The following AXIN1 variants were observed in gnomAD, a reference collection of about 807,000 sequenced individuals.
The protein encoded by AXIN1 is axin-1.
Under a neutral mutation model 76.4 loss-of-function variants are expected in AXIN1, and 30 were observed. The ratio of observed to expected loss-of-function variants is 0.39; its 90% CI spans 0.29 to 0.53. The LOEUF is 0.53. Ranked by LOEUF, AXIN1 falls within the 20% of genes least tolerant of loss-of-function variation. The probability of loss-of-function intolerance (pLI) is 0.66; values close to 1 mark genes in which losing one functional copy is unlikely to be tolerated. For missense variants in AXIN1, 1,140 were observed against 1,198.8 expected, an observed-to-expected ratio of 0.95 and a Z score of 0.72; for synonymous variants, 545 against 501.4, an observed-to-expected ratio of 1.09 and a Z score of -1.16.
chr16:288,032 C>G lies in AXIN1; in HGVS notation c.*90G>C, dbSNP rs569810675. 6.3e-7 allele frequency: 1 copy of G among 1,597,100 alleles called. No homozygotes were observed. Among genetic ancestry groups the G allele is most frequent in the East Asian group, 2.2e-5 (1 of 44,808 alleles). ...TGGTACACCCAACACTGTTCCCCAT[C>G]GGGCTCCTGAGTACGAGGTCATCTG... On this transcript the variant is annotated 3_prime_UTR_variant, in exon 11 of 11. Transcript: ENST00000262320.
intron 4 of AXIN1, among the ~76,000 whole-genome samples, chr16:309,187 G>A (rs372149983): frequency 5.3e-5 from 8 of 152,134 alleles, no homozygotes; most frequent in South Asian, 2.1e-4. Flanking sequence ...AAAATTAGCC[G>A]GGCGTGGTGG....
At chr16:289,333 C>A in intron 10 of AXIN1, 107 bp downstream of exon 10, 1 of 1,460,578 alleles carries the variant, frequency 6.8e-7, no homozygotes, top group Non-Finnish European at 9.4e-7. Context: ...CCCAAAGTGC[C>A]AGGATTAGGA....
intron 2 of AXIN1, among the ~76,000 whole-genome samples, chr16:339,014 C>T (rs1002186490): frequency 6.6e-6 from 1 of 151,124 alleles, no homozygotes; most frequent in Non-Finnish European, 1.5e-5. Context: ...TCTGGGATTA[C>T]AGGCATGAGC....
At position 347,070 on chromosome 16, in the gene AXIN1, C is replaced by G. The variant is rs2141711266; in HGVS notation, c.-45G>C. On this transcript the variant is annotated 5_prime_UTR_variant, in exon 2 of 11. An upstream start codon of the reference 5' UTR is lost. Coordinates refer to ENST00000262320, the MANE Select transcript of AXIN1 (RefSeq NM_003502.4). ...GAACAATGAGCGCTGCACCCTAATA[C>G]ATCAGTACTTACAGCTCCAAAGTGA... 6.2e-7 allele frequency: 1 copy of G among 1,613,246 alleles called. No homozygotes were observed. The highest frequency in any genetic ancestry group is 8.5e-7 in the Non-Finnish European group (1 of 1,180,018).
chr16:349,057 C>T (rs942150515), intron 1 of AXIN1, among the ~76,000 whole-genome samples: 1 of 149,952 alleles, frequency 6.7e-6, no homozygotes, highest in Non-Finnish European at 1.5e-5. Flanking sequence ...GACACCGCGC[C>T]GGCCACTGCA....
At chr16:329,393 A>G (rs1158919935) in intron 2 of AXIN1, among the ~76,000 whole-genome samples, 5 of 151,948 alleles carry the variant, frequency 3.3e-5, no homozygotes, top group African/African-American at 1.2e-4. Flanking sequence ...TAGATAGAAT[A>G]GTAGTATCTC....
Position 346,720 on chromosome 16 carries a change from G to A in AXIN1, c.306C>T (p.Phe102=), listed in dbSNP as rs1413210456. 1 of 1,586,144 alleles carries A rather than the reference G, an allele frequency of 6.3e-7. No homozygotes were observed. The highest frequency in any genetic ancestry group is 1.2e-5 in the South Asian group (1 of 86,568). ...AGCCCTCCTGCTTCAGGAAAGTCCTGAACAGGCTTATCCCATCTTGGTCAT... is the reference window on the plus strand; with the variant it reads ...AGCCCTCCTGCTTCAGGAAAGTCCTAAACAGGCTTATCCCATCTTGGTCAT... The part of the protein sequence containing the change: ...LLDDQDGISL[F]RTFLKQEGCA... Residue 102 remains phenylalanine, a synonymous_variant, in exon 2 of 11, where the codon TTC becomes TTT. Coordinates refer to ENST00000262320, the MANE Select transcript of AXIN1 (RefSeq NM_003502.4).
At chr16:335,880 T>C (rs975710029) in intron 2 of AXIN1, among the ~76,000 whole-genome samples, 1 of 152,156 alleles carries the variant, frequency 6.6e-6, no homozygotes, top group Non-Finnish European at 1.5e-5. Flanking sequence ...GAAAGTAAAA[T>C]ATTTAATCAA....
intron 9 of AXIN1, chr16:290,652 A>C: frequency 4.8e-6 from 1 of 207,368 alleles, no homozygotes. Context: ...GACACGGCCC[A>C]TGTGGGATCA....
rs865967769 is a variant in AXIN1, at chr16:352,604, T to C, written c.-317A>G. On this transcript the variant is annotated 5_prime_UTR_variant, in exon 1 of 11. Transcript: ENST00000262320. ...CCCGCCCGCTCCGCGTGGACGCGGCTCCGGGCCGACTCCGGCCGGCTCTGG... is the reference window on the plus strand; with the variant it reads ...CCCGCCCGCTCCGCGTGGACGCGGCCCCGGGCCGACTCCGGCCGGCTCTGG... The C allele has an allele frequency of 4.1e-4, 70 of 169,816 alleles. No individual in the cohort carries two copies. Among genetic ancestry groups the C allele is most frequent in the African/African-American group, 1.6e-3 (68 of 41,242 alleles). The allele number at this position is 169,816 out of a possible 1,614,324, so 10.5% of individuals were successfully genotyped here.
chr16:310,222 C>T (rs1262004902), intron 3 of AXIN1, among the ~76,000 whole-genome samples, 153 bp from the exon 4 acceptor site: 1 of 152,218 alleles, frequency 6.6e-6, no homozygotes, highest in African/African-American at 2.4e-5. Flanking sequence ...ACAGGTGATG[C>T]AGGCACCCAT....
Position 298,159 on chromosome 16 carries a change from G to A in AXIN1, c.1347C>T (p.Pro449=), listed in dbSNP as rs1399903490. The A allele has an allele frequency of 6.5e-7, 1 of 1,543,352 alleles. No individual in the cohort carries two copies. Among genetic ancestry groups the A allele is most frequent in the South Asian group, 1.2e-5 (1 of 84,258 alleles). The stretch of plus-strand genomic sequence containing the variant: ...CGGCACAGCCCATGTCCACACAGCG[G>A]GGCGGGAAGTGGTGCCAAGCGGGGG... ...PPAPAWHHFP[P]RCVDMGCAGL... is the part of the protein sequence containing the mutation. Residue 449 remains proline (P), a synonymous_variant, in exon 6 of 11, where the codon CCC becomes CCT. Transcript: ENST00000262320.
At chr16:349,579 C>A (rs1174716939) in intron 1 of AXIN1, among the ~76,000 whole-genome samples, 2 of 152,216 alleles carry the variant, frequency 1.3e-5, no homozygotes, top group East Asian at 3.8e-4. Flanking sequence ...ATCATGCTCT[C>A]ATAAGGGACT....
rs2141476774 is a variant in AXIN1, at chr16:291,295, T to C, written c.2189A>G (p.Tyr730Cys). The C allele has an allele frequency of 1.3e-6, 2 of 1,575,812 alleles. No homozygotes were observed. The highest frequency in any genetic ancestry group is 1.7e-6 in the Non-Finnish European group (2 of 1,161,508). The change falls in exon 9 of 11, where the codon TAT becomes TGT. Residue 730 changes from tyrosine (Y) to cysteine (C), a missense_variant and splice_region_variant. Transcript: ENST00000262320. ...RASRAPSKQR[Y>C]VQEVMRRGRA... ...TCCCCGCCGCATAACCTCCTGCACA[T>C]ACCTAGGGAACAACCCGCGTCAAAG...
intron 2 of AXIN1, 75 bp from the exon 3 acceptor site, chr16:314,758 A>T: frequency 6.3e-7 from 1 of 1,586,478 alleles, no homozygotes; most frequent in Non-Finnish European, 8.6e-7. Flanking sequence ...TTTTCATGTT[A>T]TCTGAATATC....
At chr16:333,357 G>A (rs1347392058) in intron 2 of AXIN1, among the ~76,000 whole-genome samples, 1 of 151,274 alleles carries the variant, frequency 6.6e-6, no homozygotes, top group African/African-American at 2.4e-5. Flanking sequence ...AGTGGGGTGT[G>A]CTGGTGCCTA....
At chr16:309,497 A>C (rs867634996) in intron 4 of AXIN1, among the ~76,000 whole-genome samples, 1 of 152,184 alleles carries the variant, frequency 6.6e-6, no homozygotes. Flanking sequence ...GAGACTGGGC[A>C]AAGGTGCCAT....
chr16:343,412 C>G (rs2141690961), intron 2 of AXIN1, among the ~76,000 whole-genome samples: 1 of 152,230 alleles, frequency 6.6e-6, no homozygotes, highest in South Asian at 2.1e-4. Context: ...TTAAAAATAA[C>G]CAGCCGGGGC....
chr16:313,245 T>C (rs1021000612), intron 3 of AXIN1, among the ~76,000 whole-genome samples: 17 of 152,176 alleles, frequency 1.1e-4, no homozygotes, highest in African/African-American at 2.7e-4. Flanking sequence ...GAAGCTACAG[T>C]AAGCCAAGAT....
Sources: allele counts gnomAD v4.1 joint callset (sites outside exome capture counted in the v4.1 genomes callset), GRCh38; gene constraint gnomAD v4.1.1; transcripts MANE v1.5; gene names NCBI Gene and HGNC (gene_info 2026-07-23, HGNC 2026-07-21).